The following HSD11B1L variants were observed in gnomAD, a reference collection of about 807,000 sequenced individuals.
HSD11B1L encodes hydroxysteroid 11-beta dehydrogenase 1 like, also known as hydroxysteroid 11-beta-dehydrogenase 1-like protein.
HSD11B1L carries 22 observed loss-of-function variants against 27.0 expected under a neutral mutation model. The observed-to-expected ratio is 0.81, with a 90% CI of 0.58 to 1.16. The LOEUF (loss-of-function observed/expected upper bound fraction) is 1.16. Among genes scored for constraint, HSD11B1L ranks in the 50% most tolerant of loss-of-function variants. HSD11B1L has a pLI of 0.00. For missense variants in HSD11B1L, 372 were observed against 401.8 expected, an observed-to-expected ratio of 0.93 and a Z score of 0.63; for synonymous variants, 187 against 189.2, an observed-to-expected ratio of 0.99 and a Z score of 0.09.
chr19:5,687,019 C>T lies in HSD11B1L; in HGVS notation c.408+28C>T, dbSNP rs1484128903. ...GCTCCGCTCCTCCGCGGCCCCGGCCCGCCCCTCTATCTCAGGGACCGGTGG... is the reference window on the plus strand; with the variant it reads ...GCTCCGCTCCTCCGCGGCCCCGGCCTGCCCCTCTATCTCAGGGACCGGTGG... On this transcript the variant is annotated intron_variant, in intron 5 of 7. Transcript: ENST00000339423. The surrounding 1 kb of genome is among the most constrained non-coding windows in gnomAD (Gnocchi z 6.6). 2 of 1,519,388 alleles carry T rather than the reference C, an allele frequency of 1.3e-6. No homozygotes were observed. Among genetic ancestry groups the T allele is most frequent in the East Asian group, 2.5e-5 (1 of 40,702 alleles). 94.1% of individuals were successfully genotyped at this position (1,519,388 alleles called of 1,614,324 possible).
In HSD11B1L at chr19:5,687,610, G is replaced by GC. The variant is rs762294466; in HGVS notation, c.612dup (p.Ile205HisfsTer113). On this transcript the variant is annotated frameshift_variant, in exon 7 of 8. Transcript: ENST00000339423. LOFTEE classifies it high-confidence loss of function. The surrounding 1 kb of genome is among the most constrained non-coding windows in gnomAD (Gnocchi z 6.6). ...GCTGGACGTGCAGGACGTGAACGTG[G>GC]CCATCACCATGTGCGTCCTGGGCCT... 1 of 1,598,136 alleles carries GC rather than the reference G, an allele frequency of 6.3e-7. No homozygotes were observed.
intron 1 of HSD11B1L, among the ~76,000 whole-genome samples, chr19:5,681,656 A>ATCCG (rs1249604487): frequency 3.2e-4 from 49 of 151,334 alleles, no homozygotes; most frequent in South Asian, 1.5e-3. Flanking sequence ...CCATCCATGC[A>ATCCG]TCCGTCCGTC....
chr19:5,686,506 C>T lies in HSD11B1L; in HGVS notation c.295C>T (p.Gln99Ter). The change falls in exon 4 of 8, where the codon CAG (glutamine) becomes TAG (stop). Residue 99 changes from glutamine (Q) to a stop codon, truncating the protein, a stop_gained. Transcript: ENST00000339423. LOFTEE classifies it high-confidence loss of function. ...CCCTGAGGCGCCCGAGAGCGTGGTG[C>T]AGTTTGCGCTGGACAAGCTGGGTGA... ...ASPEAPESVVQFALDKLGGLD... is the reference protein window; with the variant it reads ...ASPEAPESVV The T allele has an allele frequency of 6.3e-7, 1 of 1,582,626 alleles. No homozygotes were observed. The highest frequency in any genetic ancestry group is 1.2e-5 in the South Asian group (1 of 86,206).
chr19:5,688,295 G>T lies in HSD11B1L; in HGVS notation c.*350G>T. ...GGACCCCTCTCCATCTCCTGCCTGC[G>T]CCTTTAAGTCCCTGATTTATTCTTT... On this transcript the variant is annotated 3_prime_UTR_variant, in exon 8 of 8. Coordinates refer to ENST00000339423, the MANE Select transcript of HSD11B1L (RefSeq NM_198706.3). 1.0e-6 allele frequency: 1 copy of T among 984,062 alleles called. No homozygotes were observed. Among genetic ancestry groups the T allele is most frequent in the Non-Finnish European group, 1.5e-6 (1 of 679,790 alleles). The allele number at this position is 984,062 out of a possible 1,614,324, so 61.0% of individuals were successfully genotyped here. A position where few individuals can be genotyped will look rare whatever the true frequency, so the allele number is the denominator to read the frequency against.
chr19:5,684,192 T>TTA, intron 1 of HSD11B1L: 2 of 373,518 alleles, frequency 5.4e-6, no homozygotes, highest in Non-Finnish European at 9.6e-6. Flanking sequence ...ATTTTTGTAT[T>TTA]TTTAATAGAG....
In HSD11B1L at chr19:5,687,662, C is replaced by T. The variant is rs754725834; in HGVS notation, c.662C>T (p.Ala221Val). The T allele has an allele frequency of 1.3e-6, 2 of 1,583,178 alleles. No individual in the cohort carries two copies. The highest frequency in any genetic ancestry group is 1.8e-5 in the Admixed American group (1 of 56,872). The change falls in exon 7 of 8, where the codon GCA becomes GTA. Residue 221 changes from alanine (A) to valine (V), a missense_variant. By Grantham distance (64) the Ala-to-Val change is moderately conservative. Coordinates refer to ENST00000339423, the MANE Select transcript of HSD11B1L (RefSeq NM_198706.3). The surrounding 1 kb of genome is among the most constrained non-coding windows in gnomAD (Gnocchi z 6.6). ...CGAGATCGCGCCTCCGCCGCCGAGG[C>T]AGTCAGGTGAGGCCCGGACAAGCTG... ...GLRDRASAAEAVRGVTRVKAA... is the reference protein window; with the variant it reads ...GLRDRASAAEVVRGVTRVKAA...
intron 1 of HSD11B1L, among the ~76,000 whole-genome samples, chr19:5,683,457 C>G (rs778319186): frequency 6.6e-6 from 1 of 152,140 alleles, no homozygotes; most frequent in Non-Finnish European, 1.5e-5. Context: ...CAATCTGGTA[C>G]CTATTGAGCA....
At chr19:5,684,458 C>T (rs1481893473) in intron 1 of HSD11B1L, 3 of 408,522 alleles carry the variant, frequency 7.3e-6, no homozygotes, top group Non-Finnish European at 1.3e-5. Context: ...TTTCAAGGAA[C>T]AGCGAAGGGT....
rs1599428690 is a variant in HSD11B1L at position 5,687,203 on chromosome 19, G to C, written c.409-79G>C. On this transcript the variant is annotated intron_variant, in intron 5 of 7. Transcript: ENST00000339423. The surrounding 1 kb of genome is among the most constrained non-coding windows in gnomAD (Gnocchi z 6.6). ...CTGGCCCCGTCTCTGACCCGGCCCT[G>C]GCCCCGCCCTCTGGGTTTCTGGCCC... 9 of 1,480,008 alleles carry C rather than the reference G, an allele frequency of 6.1e-6. 1 individual carries two copies. The East Asian group carries it at 2.1e-4, about 35-fold the overall frequency. 91.7% of individuals were successfully genotyped at this position (1,480,008 alleles called of 1,614,324 possible).
intron 1 of HSD11B1L, chr19:5,684,191 T>G (rs1169033794): frequency 2.7e-6 from 1 of 374,170 alleles, no homozygotes; most frequent in Non-Finnish European, 4.8e-6. Context: ...AATTTTTGTA[T>G]TTTTAATAGA....
In HSD11B1L at chr19:5,687,350, CCTGGTGGTG is replaced by C; in HGVS notation, c.478_486del (p.Leu160_Val162del). On this transcript the variant is annotated inframe_deletion, in exon 6 of 8. Transcript: ENST00000339423. This position sits in a 1 kb window ranked among gnomAD's most constrained non-coding sequence, Gnocchi z 6.6. ...CCAGCCTGACGGACAGCAAGGGCTC[CCTGGTGGTG>C]GTGTCCTCGCTGCTCGGTGCGTGCA... is the stretch of plus-strand genomic sequence containing the variant. 1 of 1,612,738 alleles carries C rather than the reference CCTGGTGGTG, an allele frequency of 6.2e-7. No individual in the cohort carries two copies. Among genetic ancestry groups the C allele is most frequent in the East Asian group, 2.2e-5 (1 of 44,862 alleles).
intron 1 of HSD11B1L, chr19:5,684,236 G>C: frequency 3.0e-6 from 1 of 337,684 alleles, no homozygotes; most frequent in Non-Finnish European, 5.3e-6. Context: ...GGCTGGTCTC[G>C]AACTCCTGAT....
At chr19:5,683,523 A>G (rs1383346374) in intron 1 of HSD11B1L, among the ~76,000 whole-genome samples, 1 of 152,204 alleles carries the variant, frequency 6.6e-6, no homozygotes, top group Non-Finnish European at 1.5e-5. Context: ...GGAACAAAGT[A>G]GAAGATTTCC....
In HSD11B1L at chr19:5,688,251, C is replaced by T; in HGVS notation, c.*306C>T. 1 of 1,451,866 alleles carries T rather than the reference C, an allele frequency of 6.9e-7. No homozygotes were observed. The highest frequency in any genetic ancestry group is 1.8e-4 in the Middle Eastern group (1 of 5,664). 89.9% of individuals were successfully genotyped at this position (1,451,866 alleles called of 1,614,324 possible). A position where few individuals can be genotyped will look rare whatever the true frequency, so the allele number is the denominator to read the frequency against. On this transcript the variant is annotated 3_prime_UTR_variant, in exon 8 of 8. Coordinates refer to ENST00000339423, the MANE Select transcript of HSD11B1L (RefSeq NM_198706.3). ...GAAACTAAGGCTCAGAGAGGCCACGCCACCCTTGAGCCACCCATGGACCCC... is the reference window on the plus strand; with the variant it reads ...GAAACTAAGGCTCAGAGAGGCCACGTCACCCTTGAGCCACCCATGGACCCC...
At chr19:5,681,935 G>A (rs2054564529) in intron 1 of HSD11B1L, among the ~76,000 whole-genome samples, 4 of 152,252 alleles carry the variant, frequency 2.6e-5, no homozygotes, top group Admixed American at 2.6e-4. Flanking sequence ...GCTGCAGTCA[G>A]TGTAGAGCTG....
In HSD11B1L at chr19:5,687,133, C is replaced by G; in HGVS notation, c.408+142C>G. ...AGCCACGCCCCTCCTAGCCCAAGCC[C>G]CTGCTCCGGCCTTGACCCCGCCCTC... On this transcript the variant is annotated intron_variant, in intron 5 of 7. Transcript: ENST00000339423. This position sits in a 1 kb window ranked among gnomAD's most constrained non-coding sequence, Gnocchi z 6.6. 1 of 1,140,562 alleles carries G rather than the reference C, an allele frequency of 8.8e-7. No individual in the cohort carries two copies. The highest frequency in any genetic ancestry group is 1.5e-5 in the South Asian group (1 of 68,932). The allele number at this position is 1,140,562 out of a possible 1,614,324, so 70.7% of individuals were successfully genotyped here.
At position 5,685,190 on chromosome 19, in the gene HSD11B1L, C is replaced by T. The variant is rs1011547336; in HGVS notation, c.204+71C>T. ...GGTGGGAAGAGAGCCTGGGTTTAAT[C>T]CCTGCAATGATCCAGGCTTCCCGTG... is the stretch of plus-strand genomic sequence containing the variant. On this transcript the variant is annotated intron_variant, in intron 3 of 7. Transcript: ENST00000339423. This position sits in a 1 kb window ranked among gnomAD's most constrained non-coding sequence, Gnocchi z 4.3. The T allele has an allele frequency of 3.6e-5, 54 of 1,513,920 alleles. No homozygotes were observed. The highest frequency in any genetic ancestry group is 4.8e-5 in the Non-Finnish European group (54 of 1,126,676). The allele number at this position is 1,513,920 out of a possible 1,614,324, so 93.8% of individuals were successfully genotyped here.
Position 5,687,423 on chromosome 19 carries a change from G to T in HSD11B1L, c.502+48G>T. 6.2e-7 allele frequency: 1 copy of T among 1,602,558 alleles called. No individual in the cohort carries two copies. The stretch of plus-strand genomic sequence containing the variant: ...CTGCGGGACGGGGAGTGGGGAGCTC[G>T]ATGCGGGTGAGCCTGGAGGGTCTGG... On this transcript the variant is annotated intron_variant, in intron 6 of 7. Transcript: ENST00000339423. This position sits in a 1 kb window ranked among gnomAD's most constrained non-coding sequence, Gnocchi z 6.6.
At chr19:5,684,390 T>G in intron 1 of HSD11B1L, 1 of 342,752 alleles carries the variant, frequency 2.9e-6, no homozygotes, top group Non-Finnish European at 5.3e-6. Context: ...GGGAACAGCA[T>G]TCTAGGCAGT....
Sources: allele counts gnomAD v4.1 joint callset (sites outside exome capture counted in the v4.1 genomes callset), GRCh38; gene constraint gnomAD v4.1.1; non-coding constraint Gnocchi (gnomAD v3.1); transcripts MANE v1.5; gene names NCBI Gene and HGNC (gene_info 2026-07-23, HGNC 2026-07-21).